TC2N: variants seen among roughly 807,000 people sequenced by gnomAD.
TC2N encodes tandem C2 domains, nuclear, also known as tandem C2 domains nuclear protein.
A neutral mutation model predicts 61.9 loss-of-function variants in TC2N; 51 were observed. That is an observed-to-expected ratio of 0.82 (90% confidence interval 0.66 to 1.04). The LOEUF is 1.04. Ranked by LOEUF, TC2N falls within the 50% of genes least tolerant of loss-of-function variation. The pLI is 0.00. For synonymous variants in TC2N, 204 were observed against 192.6 expected (o/e 1.06, Z -0.49); for missense variants, 556 against 566.7 (o/e 0.98, Z 0.19).
chr14:91,807,806 A>G (rs1487789964), intron 3 of TC2N, among the ~76,000 whole-genome samples: 1 of 152,098 alleles, frequency 6.6e-6, no homozygotes, highest in Non-Finnish European at 1.5e-5. Flanking sequence ...AGGATGTGAG[A>G]CTTGGGAGGG....
intron 1 of TC2N, among the ~76,000 whole-genome samples, chr14:91,846,026 C>T (rs140452035): frequency 1.6e-4 from 25 of 152,316 alleles, no homozygotes; most frequent in South Asian, 4.1e-4. Context: ...CAGATGTTTA[C>T]CCTGGTCCAC....
intron 1 of TC2N, among the ~76,000 whole-genome samples, chr14:91,830,665 C>A (rs910256170): frequency 1.1e-4 from 15 of 142,284 alleles, no homozygotes; most frequent in Admixed American, 1.4e-4. Context: ...CAAAAAAAAA[C>A]CCCACTGAAT....
At chr14:91,836,942 A>G (rs982363646) in intron 1 of TC2N, among the ~76,000 whole-genome samples, 3 of 152,082 alleles carry the variant, frequency 2.0e-5, no homozygotes, top group African/African-American at 7.2e-5. Context: ...TTGTTACTTG[A>G]CTTTTAGAGT....
At chr14:91,829,479 A>C (rs567781550) in intron 1 of TC2N, among the ~76,000 whole-genome samples, 1 of 152,248 alleles carries the variant, frequency 6.6e-6, no homozygotes, top group East Asian at 1.9e-4. Context: ...GTTAAGCTGA[A>C]AGATGAGTTT....
intron 1 of TC2N, among the ~76,000 whole-genome samples, chr14:91,862,208 C>T (rs190909866): frequency 2.1e-4 from 32 of 151,550 alleles, no homozygotes; most frequent in Non-Finnish European, 3.8e-4. Context: ...GGCGTGGTGG[C>T]GGGCACATGT....
intron 10 of TC2N, 146 bp from the exon 11 acceptor site, chr14:91,785,507 C>T (rs564312712): frequency 6.6e-6 from 4 of 608,796 alleles, no homozygotes; most frequent in African/African-American, 3.7e-5. Flanking sequence ...TGATGAGCTA[C>T]GACCATAACA....
chr14:91,804,258 A>C (rs1886399571), intron 3 of TC2N, among the ~76,000 whole-genome samples: 2 of 152,218 alleles, frequency 1.3e-5, no homozygotes, highest in East Asian at 3.9e-4. Flanking sequence ...AATTGATATA[A>C]TCACTATGGA....
intron 1 of TC2N, among the ~76,000 whole-genome samples, chr14:91,856,686 C>T (rs1250559886): frequency 6.6e-6 from 1 of 152,190 alleles, no homozygotes; most frequent in Non-Finnish European, 1.5e-5. Flanking sequence ...CTCTGCACCA[C>T]AGGCCTTTAG....
chr14:91,798,472 C>T (rs1169125476), intron 6 of TC2N, 73 bp from the exon 7 acceptor site: 1 of 813,520 alleles, frequency 1.2e-6, no homozygotes, highest in African/African-American at 1.8e-5. Flanking sequence ...TTGACACAAT[C>T]CAATTTTAAG....
intron 4 of TC2N, among the ~76,000 whole-genome samples, chr14:91,801,881 T>C (rs1038202788): frequency 4.6e-5 from 7 of 152,218 alleles, no homozygotes; most frequent in Non-Finnish European, 2.9e-5. Flanking sequence ...CTCACAGTTA[T>C]CACTTTTGAA....
intron 1 of TC2N, among the ~76,000 whole-genome samples, chr14:91,855,812 C>A (rs1595278836): frequency 6.6e-6 from 1 of 152,034 alleles, no homozygotes; most frequent in Non-Finnish European, 1.5e-5. Context: ...GTAAAAATGG[C>A]CTGTGAACCA....
chr14:91,840,864 G>C (rs1201969927), intron 1 of TC2N, among the ~76,000 whole-genome samples: 1 of 152,022 alleles, frequency 6.6e-6, no homozygotes, highest in Non-Finnish European at 1.5e-5. Flanking sequence ...TGGGATAATG[G>C]GTGGTCACAG....
At chr14:91,813,593 T>C (rs1258148539) in intron 2 of TC2N, 110 bp downstream of exon 2, 1 of 706,858 alleles carries the variant, frequency 1.4e-6, no homozygotes, top group Non-Finnish European at 2.5e-6. Context: ...GTGCCTTATG[T>C]TTCTGCCTCC....
intron 1 of TC2N, among the ~76,000 whole-genome samples, chr14:91,834,421 T>C (rs1222919471): frequency 1.3e-5 from 2 of 152,250 alleles, no homozygotes; most frequent in African/African-American, 4.8e-5. Context: ...GTAATTATTA[T>C]GGATAACACA....
intron 3 of TC2N, among the ~76,000 whole-genome samples, chr14:91,809,656 A>G (rs960737524): frequency 5.3e-5 from 8 of 152,304 alleles, no homozygotes; most frequent in Non-Finnish European, 8.8e-5. Flanking sequence ...AGTTGGCAAC[A>G]CGCAGGGTAT....
At chr14:91,846,098 G>A (rs768257197) in intron 1 of TC2N, among the ~76,000 whole-genome samples, 14 of 152,168 alleles carry the variant, frequency 9.2e-5, no homozygotes, top group Non-Finnish European at 1.6e-4. Context: ...GGGCAGGGAA[G>A]TACCCTGAAA....
Position 91,780,528 on chromosome 14 carries a change from T to C in TC2N, c.*2572A>G, listed in dbSNP as rs551170098. The C allele has an allele frequency of 1.3e-5, 2 of 152,246 alleles. No homozygotes were observed. The highest frequency in any genetic ancestry group is 2.9e-5 in the Non-Finnish European group (2 of 68,044). The allele number at this position is 152,246 out of a possible 1,614,324, so 9.4% of individuals were successfully genotyped here. A position where few individuals can be genotyped will look rare whatever the true frequency, so the allele number is the denominator to read the frequency against. Reference sequence around the variant, plus strand: ...CAAAACAAAAGCCAAATAGTGATGTTATATTTTAACCCAGGCTGCAGCTAT... The same window carrying C: ...CAAAACAAAAGCCAAATAGTGATGTCATATTTTAACCCAGGCTGCAGCTAT... On this transcript the variant is annotated 3_prime_UTR_variant, in exon 12 of 12. Transcript: ENST00000435962.
chr14:91,788,510 A>G (rs78242669), intron 9 of TC2N, among the ~76,000 whole-genome samples: 2,293 of 152,318 alleles, frequency 0.015, 53 homozygotes, highest in African/African-American at 0.05. Context: ...ACAGACACAA[A>G]GTCTTTGTTA....
rs1430131683 is a variant in TC2N, at chr14:91,780,526, G to A, written c.*2574C>T. 1 of 152,192 alleles carries A rather than the reference G, an allele frequency of 6.6e-6. No individual in the cohort carries two copies. Among genetic ancestry groups the A allele is most frequent in the Non-Finnish European group, 1.5e-5 (1 of 68,022 alleles). 9.4% of individuals were successfully genotyped at this position (152,192 alleles called of 1,614,324 possible). ...TGCAAAACAAAAGCCAAATAGTGAT[G>A]TTATATTTTAACCCAGGCTGCAGCT... On this transcript the variant is annotated 3_prime_UTR_variant, in exon 12 of 12. Coordinates refer to ENST00000435962, the MANE Select transcript of TC2N (RefSeq NM_001128596.3).
Sources: gnomAD v4.1 joint callset for allele counts (sites outside exome capture counted in the v4.1 genomes callset) on GRCh38, gnomAD v4.1.1 for gene constraint, MANE v1.5 for transcripts, NCBI Gene and HGNC (gene_info 2026-07-23, HGNC 2026-07-21) for gene names.